CCDC91: variants seen among roughly 807,000 people sequenced by gnomAD.
CCDC91 encodes coiled-coil domain-containing protein 91.
A neutral mutation model predicts 63.2 loss-of-function variants in CCDC91; 48 were observed. The observed-to-expected ratio is 0.76, with a 90% CI of 0.60 to 0.97. The LOEUF (loss-of-function observed/expected upper bound fraction) is 0.97. Among genes scored for constraint, CCDC91 ranks in the 50% least tolerant of loss-of-function variants. The pLI is 0.00. For synonymous variants in CCDC91, 167 were observed against 165.8 expected (o/e 1.01, Z -0.06); for missense variants, 500 against 494.6 (o/e 1.01, Z -0.10).
intron 3 of CCDC91, among the ~76,000 whole-genome samples, chr12:28,275,391 G>T (rs921868650): frequency 1.3e-5 from 2 of 151,992 alleles, no homozygotes; most frequent in African/African-American, 4.8e-5. Context: ...TAAATTCCTC[G>T]ACACATACAC....
chr12:28,405,062 T>C (rs1946850765), intron 8 of CCDC91, among the ~76,000 whole-genome samples: 1 of 151,034 alleles, frequency 6.6e-6, no homozygotes, highest in African/African-American at 2.4e-5. Context: ...TTTCTATTTG[T>C]TGCTCTTTTT....
At chr12:28,505,791 A>G (rs1244633456) in intron 12 of CCDC91, among the ~76,000 whole-genome samples, 1 of 151,990 alleles carries the variant, frequency 6.6e-6, no homozygotes, top group African/African-American at 2.4e-5. Context: ...TTGTGGACTC[A>G]GGCAATCAAA....
At chr12:28,289,859 T>C (rs1450529474) in intron 3 of CCDC91, among the ~76,000 whole-genome samples, 1 of 151,506 alleles carries the variant, frequency 6.6e-6, no homozygotes, top group Non-Finnish European at 1.5e-5. Flanking sequence ...GCCTGGCTAA[T>C]TTTTTGTATT....
chr12:28,333,076 T>C (rs539766554), intron 6 of CCDC91, among the ~76,000 whole-genome samples: 33 of 152,150 alleles, frequency 2.2e-4, no homozygotes, highest in Non-Finnish European at 4.3e-4. Context: ...TAGCTGAGAA[T>C]GTGTATGTTG....
chr12:28,222,024 C>T (rs1239025755), intron 1 of CCDC91, among the ~76,000 whole-genome samples: 1 of 152,080 alleles, frequency 6.6e-6, no homozygotes, highest in Non-Finnish European at 1.5e-5. Context: ...AACTTTGTTT[C>T]GTTTCTTTTG....
chr12:28,335,563 G>A (rs1476231647), intron 6 of CCDC91, among the ~76,000 whole-genome samples: 15 of 150,900 alleles, frequency 9.9e-5, no homozygotes, highest in African/African-American at 2.9e-4. Flanking sequence ...GCATGCCACC[G>A]TGCCCGTCTG....
rs118191416 is a variant in CCDC91, at chr12:28,287,201, C to G, written c.110-18448C>G. 8.5e-3 allele frequency among the ~76,000 whole-genome samples: 1,300 copies of G among 152,124 alleles called. 16 individuals are homozygous for G. The highest frequency in any genetic ancestry group is 0.015 in the Non-Finnish European group (991 of 67,980). ...TACTTTCTTTTGCTGTGCAGAAGCC[C>G]TTTAGTTTAATTAGATCCCATTTGC... is the stretch of plus-strand genomic sequence containing the variant. On this transcript the variant is annotated intron_variant, in intron 3 of 12. Coordinates refer to ENST00000536442, the MANE Select transcript of CCDC91 (RefSeq NM_018318.5).
In CCDC91 at chr12:28,479,383, A is replaced by G. The variant is rs143677192; in HGVS notation, c.1102-4669A>G. On this transcript the variant is annotated intron_variant, in intron 11 of 12. Coordinates refer to ENST00000536442, the MANE Select transcript of CCDC91 (RefSeq NM_018318.5). ...CAAGGACAGAAAACCAAACACCTGC[A>G]TGTTCTCACTCATAGGTAGGAATTG... 3.4e-4 allele frequency among the ~76,000 whole-genome samples: 52 copies of G among 152,172 alleles called. No homozygotes were observed. In the East Asian group the frequency reaches 9.7e-3, roughly 28 times the overall value.
intron 12 of CCDC91, among the ~76,000 whole-genome samples, chr12:28,489,336 A>C (rs1951879659): frequency 6.6e-6 from 1 of 151,926 alleles, no homozygotes; most frequent in African/African-American, 2.4e-5. Flanking sequence ...TGGAGATGGC[A>C]GAAAAATGAG....
At chr12:28,291,197 C>T (rs75120884) in intron 3 of CCDC91, among the ~76,000 whole-genome samples, 1 of 152,190 alleles carries the variant, frequency 6.6e-6, no homozygotes, top group Admixed American at 6.5e-5. Context: ...TCAGTAACCT[C>T]TTGGAAAGCA....
At chr12:28,404,769 T>C (rs1946831919) in intron 8 of CCDC91, among the ~76,000 whole-genome samples, 1 of 152,144 alleles carries the variant, frequency 6.6e-6, no homozygotes, top group South Asian at 2.1e-4. Flanking sequence ...TTAATAACTT[T>C]CTTTGCTCTG....
At chr12:28,499,576 A>G (rs1163895885) in intron 12 of CCDC91, among the ~76,000 whole-genome samples, 2 of 151,316 alleles carry the variant, frequency 1.3e-5, no homozygotes, top group Admixed American at 6.6e-5. Context: ...TCATTGTTCA[A>G]CTCCCACTTA....
chr12:28,521,187 A>T (rs1940610260), intron 12 of CCDC91, among the ~76,000 whole-genome samples: 1 of 152,158 alleles, frequency 6.6e-6, no homozygotes. Flanking sequence ...CACGATATTG[A>T]TTATTCCTAT....
intron 8 of CCDC91, among the ~76,000 whole-genome samples, chr12:28,392,357 T>C (rs1362289370): frequency 1.3e-5 from 2 of 152,200 alleles, no homozygotes; most frequent in Non-Finnish European, 2.9e-5. Flanking sequence ...ATTTTACTCA[T>C]GCTACATACT....
At chr12:28,292,450 A>G (rs973964116) in intron 3 of CCDC91, among the ~76,000 whole-genome samples, 1 of 152,168 alleles carries the variant, frequency 6.6e-6, no homozygotes, top group African/African-American at 2.4e-5. Context: ...TTAGGTGTCT[A>G]ATAGCTGCTA....
intron 8 of CCDC91, among the ~76,000 whole-genome samples, chr12:28,420,417 T>C (rs1335403851): frequency 6.6e-6 from 1 of 152,166 alleles, no homozygotes; most frequent in Non-Finnish European, 1.5e-5. Context: ...TTATTTAAAA[T>C]ATTTTTGTGT....
intron 6 of CCDC91, among the ~76,000 whole-genome samples, chr12:28,325,138 GAAGA>G (rs1940865914): frequency 6.6e-6 from 1 of 151,894 alleles, no homozygotes; most frequent in Admixed American, 6.6e-5. Context: ...TTTATTGTTT[GAAGA>G]AAGATATTAG....
chr12:28,298,740 A>G (rs1565755493), intron 3 of CCDC91, among the ~76,000 whole-genome samples: 2 of 149,346 alleles, frequency 1.3e-5, no homozygotes, highest in East Asian at 3.9e-4. Flanking sequence ...AAAAAAAACA[A>G]CAACAACAAC....
intron 3 of CCDC91, among the ~76,000 whole-genome samples, chr12:28,283,939 G>A (rs546492483): frequency 1.3e-5 from 2 of 152,150 alleles, no homozygotes; most frequent in South Asian, 4.2e-4. Context: ...ATTTAGTGGG[G>A]GTATGTTTGT....
Sources: allele counts gnomAD v4.1 joint callset (sites outside exome capture counted in the v4.1 genomes callset), GRCh38; gene constraint gnomAD v4.1.1; transcripts MANE v1.5; gene names NCBI Gene and HGNC (gene_info 2026-07-23, HGNC 2026-07-21).